The following XCR1 variants were observed in gnomAD, a reference collection of about 807,000 sequenced individuals.
The protein encoded by XCR1 is chemokine XC receptor 1.
For synonymous variants in XCR1, 187 were observed against 188.5 expected (o/e 0.99, Z 0.06); for missense variants, 356 against 424.2 (o/e 0.84, Z 1.41).
chr3:46,025,770 A>G (rs1237955595), intron 1 of XCR1, among the ~76,000 whole-genome samples: 4 of 152,220 alleles, frequency 2.6e-5, no homozygotes, highest in Non-Finnish European at 5.9e-5. Flanking sequence ...CCAGTTTTAC[A>G]CAAACTATAA....
intron 3 of XCR1, among the ~76,000 whole-genome samples, chr3:46,072,468 T>C (rs953332970): frequency 3.9e-5 from 6 of 152,138 alleles, no homozygotes; most frequent in Admixed American, 3.3e-4. Flanking sequence ...CGTACCAATG[T>C]ACTCCAGCTT....
intron 3 of XCR1, among the ~76,000 whole-genome samples, chr3:46,072,222 C>T (rs1238525975): frequency 6.6e-6 from 1 of 152,102 alleles, no homozygotes; most frequent in Non-Finnish European, 1.5e-5. Flanking sequence ...ACAACAACAA[C>T]AACAAACCAC....
chr3:46,079,010 C>A (rs1698310217), intron 1 of XCR1, among the ~76,000 whole-genome samples: 1 of 152,170 alleles, frequency 6.6e-6, no homozygotes, highest in East Asian at 1.9e-4. Flanking sequence ...CATTCTGAGA[C>A]AACGTAAGAG....
At chr3:46,030,086 T>C (rs1314692058), upstream of XCR1, among the ~76,000 whole-genome samples, 3 of 152,084 alleles carry the variant, frequency 2.0e-5, no homozygotes, top group South Asian at 2.1e-4. Flanking sequence ...TTCAGTTCTC[T>C]ATGTACTATA....
intron 4 of XCR1, among the ~76,000 whole-genome samples, chr3:46,054,111 CAAA>C (rs909618731): frequency 6.6e-6 from 1 of 152,256 alleles, no homozygotes; most frequent in Admixed American, 6.5e-5. Context: ...AAGACAAAGA[CAAA>C]AGAGCATATT....
At chr3:46,044,798 C>CA (rs1489629137) in intron 5 of XCR1, among the ~76,000 whole-genome samples, 2 of 152,164 alleles carry the variant, frequency 1.3e-5, no homozygotes, top group African/African-American at 4.8e-5. Flanking sequence ...AAAACTCACA[C>CA]AAGGAGAAAT....
At chr3:46,069,420 C>A (rs920755720) in intron 3 of XCR1, among the ~76,000 whole-genome samples, 1 of 151,892 alleles carries the variant, frequency 6.6e-6, no homozygotes, top group African/African-American at 2.4e-5. Context: ...CACTACAGAC[C>A]CTGCAGACAT....
At chr3:46,074,586 C>A (rs1287471025) in intron 3 of XCR1, among the ~76,000 whole-genome samples, 14 of 151,850 alleles carry the variant, frequency 9.2e-5, no homozygotes, top group Non-Finnish European at 1.5e-5. Flanking sequence ...ATCCATGTAA[C>A]AATGCAATTG....
intron 1 of XCR1, chr3:46,023,447 A>G (rs1708210887): frequency 1.3e-6 from 2 of 1,508,914 alleles, no homozygotes; most frequent in Non-Finnish European, 1.8e-6. Context: ...ACACAATCTG[A>G]GCAGGCTCGT....
intron 5 of XCR1, among the ~76,000 whole-genome samples, chr3:46,052,841 T>C (rs1049063650): frequency 6.6e-6 from 1 of 152,182 alleles, no homozygotes; most frequent in African/African-American, 2.4e-5. Context: ...TGCAAGAAAT[T>C]GTGCCTAGGT....
intron 4 of XCR1, among the ~76,000 whole-genome samples, chr3:46,066,396 C>A (rs1320508769): frequency 6.6e-6 from 1 of 152,184 alleles, no homozygotes; most frequent in African/African-American, 2.4e-5. Context: ...AGGCACGCAC[C>A]ACCACGCCCG....
chr3:46,033,891 T>C (rs1488341958), intron 5 of XCR1, among the ~76,000 whole-genome samples: 4 of 152,234 alleles, frequency 2.6e-5, no homozygotes, highest in Non-Finnish European at 5.9e-5. Flanking sequence ...TTTATGAAAT[T>C]GATGCTCAGG....
At chr3:46,038,328 T>C (rs1174394898) in intron 5 of XCR1, among the ~76,000 whole-genome samples, 1 of 152,108 alleles carries the variant, frequency 6.6e-6, no homozygotes, top group East Asian at 1.9e-4. Flanking sequence ...GTGTGTGTGT[T>C]TTTTTAACCT....
chr3:46,051,204 C>T (rs1018997305), intron 5 of XCR1, among the ~76,000 whole-genome samples: 2 of 152,198 alleles, frequency 1.3e-5, no homozygotes, highest in Admixed American at 6.5e-5. Context: ...GAAACCTCCC[C>T]AAACCTTTTC....
intron 5 of XCR1, among the ~76,000 whole-genome samples, chr3:46,035,859 A>G (rs926863251): frequency 1.3e-5 from 2 of 152,046 alleles, no homozygotes; most frequent in African/African-American, 4.8e-5. Context: ...GTGTGTGTCC[A>G]GGCAAGTGAG....
chr3:46,080,594 CT>C (rs1698343379), intron 1 of XCR1, among the ~76,000 whole-genome samples: 1 of 152,116 alleles, frequency 6.6e-6, no homozygotes, highest in South Asian at 2.1e-4. Flanking sequence ...CCCAGCCCCC[CT>C]GCCAAACAAA....
chr3:46,038,866 C>T (rs565987597), intron 5 of XCR1, among the ~76,000 whole-genome samples: 22 of 151,828 alleles, frequency 1.4e-4, no homozygotes, highest in East Asian at 3.9e-4. Flanking sequence ...AACTGTGATA[C>T]GGCTATAAAC....
intron 3 of XCR1, among the ~76,000 whole-genome samples, chr3:46,070,644 T>C (rs1376913471): frequency 6.6e-6 from 1 of 152,104 alleles, no homozygotes; most frequent in African/African-American, 2.4e-5. Context: ...CCCTTTACTT[T>C]CAGTATATAT....
intron 5 of XCR1, among the ~76,000 whole-genome samples, chr3:46,039,256 T>A (rs1448975359): frequency 1.3e-5 from 2 of 152,032 alleles, no homozygotes; most frequent in Non-Finnish European, 2.9e-5. Flanking sequence ...AAGGAGATAT[T>A]CTCATACTGA....
Sources: gnomAD v4.1 joint callset for allele counts (sites outside exome capture counted in the v4.1 genomes callset) on GRCh38, gnomAD v4.1.1 for gene constraint, MANE v1.5 for transcripts, NCBI Gene and HGNC (gene_info 2026-07-23, HGNC 2026-07-21) for gene names.